ATG16L2: variants seen among roughly 807,000 people sequenced by gnomAD.
ATG16L2 encodes the protein autophagy related 16 like 2.
Under a neutral mutation model 84.7 loss-of-function variants are expected in ATG16L2, and 77 were observed. The ratio of observed to expected loss-of-function variants is 0.91; its 90% CI spans 0.76 to 1.10. The LOEUF is 1.10. Among genes scored for constraint, ATG16L2 ranks in the 50% least tolerant of loss-of-function variants. The probability of loss-of-function intolerance (pLI) is 0.00; values close to 1 mark genes in which losing one functional copy is unlikely to be tolerated. For synonymous variants in ATG16L2, 361 were observed against 342.8 expected, an observed-to-expected ratio of 1.05 and a Z score of -0.59; for missense variants, 782 against 817.6, an observed-to-expected ratio of 0.96 and a Z score of 0.53.
At chr11:72,834,421 G>A (rs1380348607), downstream of ATG16L2, among the ~76,000 whole-genome samples, 1 of 152,106 alleles carries the variant, frequency 6.6e-6, no homozygotes, top group Admixed American at 6.6e-5. Flanking sequence ...AGAGTCCAGT[G>A]GCTTGCTTTC....
chr11:72,841,590 C>A, intron 5 of ATG16L2: 1 of 1,595,850 alleles, frequency 6.3e-7, no homozygotes, highest in Non-Finnish European at 8.5e-7. Flanking sequence ...AGATCTGCAG[C>A]AAAGGGAAGC....
At chr11:72,835,285 T>C (rs750227960) in intron 5 of ATG16L2, among the ~76,000 whole-genome samples, 18 of 152,132 alleles carry the variant, frequency 1.2e-4, no homozygotes, top group Non-Finnish European at 2.1e-4. Flanking sequence ...ACACATTCTT[T>C]CCCTTGGGCC....
intron 7 of ATG16L2, chr11:72,823,528 T>G (rs1220655639): frequency 5.1e-6 from 2 of 393,632 alleles, no homozygotes; most frequent in Non-Finnish European, 1.0e-5. Context: ...TTCCCCAGCC[T>G]AACACCTCTT....
At chr11:72,842,327 T>C (rs895511070) in intron 5 of ATG16L2, among the ~76,000 whole-genome samples, 2 of 152,270 alleles carry the variant, frequency 1.3e-5, no homozygotes, top group African/African-American at 4.8e-5. Flanking sequence ...GGTTTGTTTC[T>C]TTCTCTCCAC....
chr11:72,832,696 A>C (rs1431628114), downstream of ATG16L2, among the ~76,000 whole-genome samples: 1 of 152,196 alleles, frequency 6.6e-6, no homozygotes, highest in Non-Finnish European at 1.5e-5. Context: ...CATGGGTATA[A>C]AAACTGAGAC....
At chr11:72,823,501 G>A (rs1667099709) in intron 7 of ATG16L2, 3 of 368,908 alleles carry the variant, frequency 8.1e-6, no homozygotes, top group South Asian at 2.0e-5. Context: ...CATTGAGGCT[G>A]CCCGCTCTGG....
At position 72,819,407 on chromosome 11, in the gene ATG16L2, T is replaced by TA. The variant is rs552680328; in HGVS notation, c.318+1561dup. 1.2e-3 allele frequency among the ~76,000 whole-genome samples: 182 copies of TA among 150,932 alleles called. 1 individual carries two copies. Among genetic ancestry groups the TA allele is most frequent in the African/African-American group, 4.1e-3 (170 of 41,110 alleles). ...AGCTTTCAGAGTGACATATTTTAAT[T>TA]AAAAAAAAAGAAAGATCTCCATTAA... On this transcript the variant is annotated intron_variant, in intron 3 of 17. Coordinates refer to ENST00000321297, the MANE Select transcript of ATG16L2 (RefSeq NM_033388.2).
intron 7 of ATG16L2, chr11:72,823,181 C>T (rs943163753): frequency 6.2e-6 from 3 of 486,762 alleles, no homozygotes; most frequent in African/African-American, 5.9e-5. Flanking sequence ...TCAACCCTTT[C>T]CCTCCTTCTT....
rs553304939 is a variant in ATG16L2 at position 72,819,005 on chromosome 11, C to T, written c.318+1150C>T. The T allele has an allele frequency of 7.2e-5, 11 of 152,326 alleles. No homozygotes were observed. In the East Asian group the frequency reaches 1.5e-3, roughly 21 times the overall value. 9.4% of individuals were successfully genotyped at this position (152,326 alleles called of 1,614,324 possible). ...TCTCAAACATCTGACCCCCACACCA[C>T]CCCCAGCCTCTGGGCTGTGAGCTCC... On this transcript the variant is annotated intron_variant, in intron 3 of 17. Coordinates refer to ENST00000321297, the MANE Select transcript of ATG16L2 (RefSeq NM_033388.2).
chr11:72,838,748 G>T, intron 5 of ATG16L2: 1 of 1,519,938 alleles, frequency 6.6e-7, no homozygotes, highest in Non-Finnish European at 9.0e-7. Context: ...CAAACTCCAA[G>T]CCTGGCCTTG....
Position 72,822,630 on chromosome 11 carries a change from G to GT in ATG16L2, c.710+88dup. On this transcript the variant is annotated intron_variant, in intron 6 of 17. Coordinates refer to ENST00000321297, the MANE Select transcript of ATG16L2 (RefSeq NM_033388.2). This position sits in a 1 kb window ranked among gnomAD's most constrained non-coding sequence, Gnocchi z 4.2. ...GCGACCCAGGCTGCCGACTGTACTT[G>GT]TGCACAGCCCCGTCCTGAGGCCCCC... 6.5e-7 allele frequency: 1 copy of GT among 1,535,224 alleles called. No individual in the cohort carries two copies. Among genetic ancestry groups the GT allele is most frequent in the Non-Finnish European group, 8.8e-7 (1 of 1,131,278 alleles).
Position 72,822,395 on chromosome 11 carries a change from C to T in ATG16L2, c.645-83C>T, listed in dbSNP as rs781765879. 1.9e-5 allele frequency: 31 copies of T among 1,597,442 alleles called. No homozygotes were observed. In the South Asian group the frequency reaches 2.9e-4, roughly 15 times the overall value. Reference sequence around the variant, plus strand: ...TGGAAGGGAGGGGGGCAGCAGCCGCCCCCTGGAGGAAGGGACCGGGTCTAG... The same window carrying T: ...TGGAAGGGAGGGGGGCAGCAGCCGCTCCCTGGAGGAAGGGACCGGGTCTAG... On this transcript the variant is annotated intron_variant, in intron 5 of 17. Coordinates refer to ENST00000321297, the MANE Select transcript of ATG16L2 (RefSeq NM_033388.2). The surrounding 1 kb of genome is among the most constrained non-coding windows in gnomAD (Gnocchi z 4.2).
rs202165878 is a variant in ATG16L2, at chr11:72,825,295, C to T, written c.997-7C>T. 6.2e-7 allele frequency: 1 copy of T among 1,612,526 alleles called. No individual in the cohort carries two copies. Among genetic ancestry groups the T allele is most frequent in the African/African-American group, 1.3e-5 (1 of 75,004 alleles). On this transcript the variant is annotated splice_region_variant and splice_polypyrimidine_tract_variant and intron_variant, in intron 9 of 17. Transcript: ENST00000321297. ...GGCCGGGGCACCAACCTCCCCTTTC[C>T]CCACAGGATGCCCACCTCTCTGAGG...
rs1860549794 is a variant in ATG16L2 at position 72,829,392 on chromosome 11, G to A, written c.*2G>A. 6.2e-7 allele frequency: 1 copy of A among 1,608,292 alleles called. No individual in the cohort carries two copies. Among genetic ancestry groups the A allele is most frequent in the Non-Finnish European group, 8.5e-7 (1 of 1,177,384 alleles). ...AGGAAGGTTGTGCTCTGGCAGTAGG[G>A]CCACGACCTGCCTGCCTGGGCTGGA... On this transcript the variant is annotated 3_prime_UTR_variant, in exon 18 of 18. Coordinates refer to ENST00000321297, the MANE Select transcript of ATG16L2 (RefSeq NM_033388.2).
chr11:72,834,786 T>C (rs1860684420), intron 5 of ATG16L2, among the ~76,000 whole-genome samples: 1 of 152,218 alleles, frequency 6.6e-6, no homozygotes, highest in Admixed American at 6.5e-5. Context: ...GTTTCCATTA[T>C]GTTGGTCAGG....
At chr11:72,841,074 G>A (rs554558413) in intron 5 of ATG16L2, 13 of 767,146 alleles carry the variant, frequency 1.7e-5, no homozygotes, top group South Asian at 3.0e-5. Flanking sequence ...ATACTGAGGC[G>A]GGAGGATTAC....
intron 9 of ATG16L2, 119 bp downstream of exon 9, chr11:72,824,961 A>G: frequency 1.3e-6 from 1 of 783,826 alleles, no homozygotes; most frequent in Non-Finnish European, 2.0e-6. Flanking sequence ...GCTCCTCAGC[A>G]GGAGCAGGAG....
chr11:72,822,846 A>T lies in ATG16L2; in HGVS notation c.711-2A>T. Reference sequence around the variant, plus strand: ...CTTTCTGAACTTCATTACCTCTCCTAGGGGCCCGGACACCCTAGGCGATGG... The same window carrying T: ...CTTTCTGAACTTCATTACCTCTCCTTGGGGCCCGGACACCCTAGGCGATGG... On this transcript the variant is annotated splice_acceptor_variant, in intron 6 of 17. Coordinates refer to ENST00000321297, the MANE Select transcript of ATG16L2 (RefSeq NM_033388.2). LOFTEE classifies it high-confidence loss of function. The surrounding 1 kb of genome is among the most constrained non-coding windows in gnomAD (Gnocchi z 4.2). 1 of 1,551,122 alleles carries T rather than the reference A, an allele frequency of 6.4e-7. No homozygotes were observed. Among genetic ancestry groups the T allele is most frequent in the Non-Finnish European group, 8.7e-7 (1 of 1,146,834 alleles).
chr11:72,823,265 C>G (rs1380814136), intron 7 of ATG16L2: 1 of 366,492 alleles, frequency 2.7e-6, no homozygotes, highest in Non-Finnish European at 5.1e-6. Context: ...TGGGCAAAGC[C>G]CAGAGCCCAG....
Sources: gnomAD v4.1 joint callset for allele counts (sites outside exome capture counted in the v4.1 genomes callset) on GRCh38, gnomAD v4.1.1 for gene constraint, Gnocchi (gnomAD v3.1) non-coding constraint, MANE v1.5 for transcripts, NCBI Gene and HGNC (gene_info 2026-07-23, HGNC 2026-07-21) for gene names.